The following RNF40 variants were observed in gnomAD, a reference collection of about 807,000 sequenced individuals.
RNF40 encodes ring finger protein 40, also known as E3 ubiquitin-protein ligase BRE1B.
RNF40 carries 39 observed loss-of-function variants against 123.3 expected under a neutral mutation model. The ratio of observed to expected loss-of-function variants is 0.32; its 90% CI spans 0.24 to 0.41. RNF40 has a LOEUF of 0.41. Among genes scored for constraint, RNF40 ranks in the 10% least tolerant of loss-of-function variants. RNF40 has a pLI of 1.00. For missense variants in RNF40, 1,003 were observed against 1,319.9 expected (o/e 0.76, Z 3.72); for synonymous variants, 538 against 526.0 (o/e 1.02, Z -0.31).
At chr16:30,762,446 C>A in intron 1 of RNF40, 29 bp from the exon 2 acceptor site, 1 of 1,270,654 alleles carries the variant, frequency 7.9e-7, no homozygotes, top group Non-Finnish European at 1.1e-6. Context: ...ACCAGCCGTT[C>A]CCACATCTCT....
chr16:30,771,510 G>A (rs558390174), intron 17 of RNF40, among the ~76,000 whole-genome samples: 24 of 152,054 alleles, frequency 1.6e-4, no homozygotes, highest in Non-Finnish European at 2.8e-4. Flanking sequence ...CCAGCTACTC[G>A]GGAGGCTGAG....
rs2054103432 is a variant in RNF40, at chr16:30,769,325, C to T, written c.2387C>T (p.Ala796Val). ...NFKLMSERIK[A>V]NQIHKLLREE... Reference sequence around the variant, plus strand: ...AAGCTAATGTCAGAGCGGATCAAGGCCAACCAGATTCACAAGCTGCTGCGG... The same window carrying T: ...AAGCTAATGTCAGAGCGGATCAAGGTCAACCAGATTCACAAGCTGCTGCGG... Residue 796 changes from alanine to valine, a missense_variant, in exon 16 of 20, where the codon GCC becomes GTC. Around this residue, in one of 11 missense-constraint regions of RNF40, gnomAD observed 25 missense variants for 72.6 expected, o/e 0.34. Coordinates refer to ENST00000324685, the MANE Select transcript of RNF40 (RefSeq NM_014771.4). The T allele has an allele frequency of 1.9e-6, 3 of 1,614,096 alleles. No individual in the cohort carries two copies.
chr16:30,770,619 C>T (rs1447161387), intron 17 of RNF40, among the ~76,000 whole-genome samples: 2 of 152,192 alleles, frequency 1.3e-5, no homozygotes, highest in African/African-American at 2.4e-5. Flanking sequence ...CTAGCTTTGG[C>T]TAAAGGCTTA....
At chr16:30,772,318 C>G in intron 19 of RNF40, 128 bp downstream of exon 19, 1 of 783,468 alleles carries the variant, frequency 1.3e-6, no homozygotes, top group Non-Finnish European at 2.2e-6. Flanking sequence ...GCACAGTGGT[C>G]ACAGAGTCAA....
At chr16:30,763,682 GTTTGGGC>G in intron 4 of RNF40, 123 bp downstream of exon 4, 1 of 1,068,168 alleles carries the variant, frequency 9.4e-7, no homozygotes, top group Non-Finnish European at 1.4e-6. Flanking sequence ...TGGATTTCAT[GTTTGGGC>G]AGTAAAGTGC....
At chr16:30,765,939 G>A (rs530890198) in intron 8 of RNF40, among the ~76,000 whole-genome samples, 8 of 152,240 alleles carry the variant, frequency 5.3e-5, no homozygotes, top group African/African-American at 1.2e-4. Context: ...AATGCCTTCC[G>A]TGACTCCCCA....
In RNF40 at chr16:30,775,371, C is replaced by T. The variant is rs1020609042; in HGVS notation, c.*1257C>T. On this transcript the variant is annotated 3_prime_UTR_variant, in exon 20 of 20. Coordinates refer to ENST00000324685, the MANE Select transcript of RNF40 (RefSeq NM_014771.4). Reference sequence around the variant, plus strand: ...CGTCGCGGAGCCGCCTGTCCTGCTCCCACCGACCCCGGTCTGACCACGTCC... The same window carrying T: ...CGTCGCGGAGCCGCCTGTCCTGCTCTCACCGACCCCGGTCTGACCACGTCC... The T allele has an allele frequency of 7.3e-5, 18 of 247,714 alleles. No individual in the cohort carries two copies. The highest frequency in any genetic ancestry group is 2.1e-4 in the Admixed American group (4 of 19,198). The allele number at this position is 247,714 out of a possible 1,614,324, so 15.3% of individuals were successfully genotyped here. A position where few individuals can be genotyped will look rare whatever the true frequency, so the allele number is the denominator to read the frequency against.
upstream of RNF40, chr16:30,762,295 G>C: frequency 2.1e-6 from 1 of 477,610 alleles, no homozygotes; most frequent in South Asian, 3.2e-5. Context: ...GGGCAGTGGC[G>C]TCCAGTGACG....
rs1156962699 is a variant in RNF40 at position 30,775,224 on chromosome 16, T to TC, written c.*1115dup. On this transcript the variant is annotated 3_prime_UTR_variant, in exon 20 of 20. Coordinates refer to ENST00000324685, the MANE Select transcript of RNF40 (RefSeq NM_014771.4). The stretch of plus-strand genomic sequence containing the variant: ...GCCAGGCCGCGCACCCCAAATGTAG[T>TC]CCCCCGATTTTAGCTGCAGCAGCTG... 5 of 337,100 alleles carry TC rather than the reference T, an allele frequency of 1.5e-5. No homozygotes were observed. The highest frequency in any genetic ancestry group is 2.9e-5 in the Non-Finnish European group (5 of 171,344). 20.9% of individuals were successfully genotyped at this position (337,100 alleles called of 1,614,324 possible).
At chr16:30,765,913 C>T (rs2054021819) in intron 8 of RNF40, among the ~76,000 whole-genome samples, 1 of 152,180 alleles carries the variant, frequency 6.6e-6, no homozygotes, top group South Asian at 2.1e-4. Context: ...TTTATTAGCA[C>T]TTTAGGCCTT....
chr16:30,762,721 TC>T (rs1271306078), intron 2 of RNF40, 44 bp downstream of exon 2: 1 of 1,593,718 alleles, frequency 6.3e-7, no homozygotes, highest in Admixed American at 1.9e-5. Flanking sequence ...CCCAGAGCCC[TC>T]CCTCTGTTCT....
At chr16:30,761,714 A>G (rs1197125424), upstream of RNF40, 12 of 1,530,962 alleles carry the variant, frequency 7.8e-6, no homozygotes, top group Non-Finnish European at 1.0e-5. Context: ...CTGCACCCTC[A>G]TTCCCAAAAA....
intron 19 of RNF40, 135 bp downstream of exon 19, chr16:30,772,325 T>G (rs1181698184): frequency 1.3e-6 from 1 of 763,378 alleles, no homozygotes; most frequent in Non-Finnish European, 2.3e-6. Context: ...GGTCACAGAG[T>G]CAAATGCTGT....
rs764044162 is a variant in RNF40, at chr16:30,766,744, G to A, written c.1297G>A (p.Asp433Asn). The change falls in exon 11 of 20, where the codon GAC (aspartate) becomes AAC (asparagine). Residue 433 changes from aspartate to asparagine, a missense_variant. Physicochemically the swap from Asp to Asn is conservative, Grantham distance 23 (BLOSUM62 1). Coordinates refer to ENST00000324685, the MANE Select transcript of RNF40 (RefSeq NM_014771.4). The surrounding 1 kb of genome is among the most constrained non-coding windows in gnomAD (Gnocchi z 5.4). ...TCCTTAACACATCAACCCACAGAGC[G>A]ACGAGCTGGGGCTGCAGAAGAAGCT... ...HLRHIEHMESDELGLQKKLRT... is the reference protein window; with the variant it reads ...HLRHIEHMESNELGLQKKLRT... The A allele has an allele frequency of 4.3e-6, 7 of 1,613,862 alleles. No individual in the cohort carries two copies. Among genetic ancestry groups the A allele is most frequent in the Admixed American group, 3.3e-5 (2 of 60,004 alleles).
At position 30,774,185 on chromosome 16, in the gene RNF40, G is replaced by A; in HGVS notation, c.*71G>A. 2 of 1,482,960 alleles carry A rather than the reference G, an allele frequency of 1.3e-6. No individual in the cohort carries two copies. The highest frequency in any genetic ancestry group is 2.6e-5 in the South Asian group (2 of 76,202). 91.9% of individuals were successfully genotyped at this position (1,482,960 alleles called of 1,614,324 possible). ...GTGCCCCCATCTCCTCCCCACCCCA[G>A]GTCTAGTGGCCCCACCCTCCATTCC... On this transcript the variant is annotated 3_prime_UTR_variant, in exon 20 of 20. Coordinates refer to ENST00000324685, the MANE Select transcript of RNF40 (RefSeq NM_014771.4).
In RNF40 at chr16:30,766,913, C is replaced by A; in HGVS notation, c.1429+37C>A. On this transcript the variant is annotated intron_variant, in intron 11 of 19. Transcript: ENST00000324685. The surrounding 1 kb of genome is among the most constrained non-coding windows in gnomAD (Gnocchi z 5.4). Reference sequence around the variant, plus strand: ...GGATAGGGCGGAGGTGGGGCCTTATCTGGGAGTGCTGGGCCCTGGTGTGGG... The same window carrying A: ...GGATAGGGCGGAGGTGGGGCCTTATATGGGAGTGCTGGGCCCTGGTGTGGG... The A allele has an allele frequency of 6.2e-7, 1 of 1,602,560 alleles. No individual in the cohort carries two copies.
Position 30,766,891 on chromosome 16 carries a change from T to C in RNF40, c.1429+15T>C. ...CGAGCAGGCGGGTATGTGGTGAGGA[T>C]AGGGCGGAGGTGGGGCCTTATCTGG... On this transcript the variant is annotated intron_variant, in intron 11 of 19. Transcript: ENST00000324685. The surrounding 1 kb of genome is among the most constrained non-coding windows in gnomAD (Gnocchi z 5.4). 6.2e-7 allele frequency: 1 copy of C among 1,611,590 alleles called. No individual in the cohort carries two copies.
In RNF40 at chr16:30,774,472, T is replaced by A; in HGVS notation, c.*358T>A. On this transcript the variant is annotated 3_prime_UTR_variant, in exon 20 of 20. Transcript: ENST00000324685. ...CTAAGGAAAATTCCCCAGGCTGTGA[T>A]CTACCCTAGAGAAGGCTCGCTCCCT... 4.2e-6 allele frequency: 1 copy of A among 238,910 alleles called. No homozygotes were observed. Among genetic ancestry groups the A allele is most frequent in the Non-Finnish European group, 8.2e-6 (1 of 121,674 alleles). The allele number at this position is 238,910 out of a possible 1,614,324, so 14.8% of individuals were successfully genotyped here.
chr16:30,772,669 G>A (rs1373528534), intron 19 of RNF40, among the ~76,000 whole-genome samples: 2 of 152,210 alleles, frequency 1.3e-5, no homozygotes, highest in African/African-American at 4.8e-5. Flanking sequence ...TGAGCGGAGG[G>A]GTTGCTGGGA....
Sources: allele counts gnomAD v4.1 joint callset (sites outside exome capture counted in the v4.1 genomes callset), GRCh38; gene constraint gnomAD v4.1.1; regional missense constraint gnomAD v4.1.1; non-coding constraint Gnocchi (gnomAD v3.1); transcripts MANE v1.5; gene names NCBI Gene and HGNC (gene_info 2026-07-23, HGNC 2026-07-21).